The following SGPP2 variants were observed in gnomAD, a reference collection of about 807,000 sequenced individuals.
The protein encoded by SGPP2 is sphingosine 1-phosphate phosphohydrolase 2.
Under a neutral mutation model 33.9 loss-of-function variants are expected in SGPP2, and 30 were observed. The ratio of observed to expected loss-of-function variants is 0.89; its 90% CI spans 0.66 to 1.20. SGPP2 has a LOEUF of 1.20. Among genes scored for constraint, SGPP2 ranks in the 50% most tolerant of loss-of-function variants. The probability of loss-of-function intolerance (pLI) is 0.00; values close to 1 mark genes in which losing one functional copy is unlikely to be tolerated. For synonymous variants in SGPP2, 233 were observed against 225.0 expected, an observed-to-expected ratio of 1.04 and a Z score of -0.32; for missense variants, 458 against 532.1, an observed-to-expected ratio of 0.86 and a Z score of 1.37.
chr2:222,526,544 T>A (rs1440462789), intron 4 of SGPP2, among the ~76,000 whole-genome samples: 1 of 152,240 alleles, frequency 6.6e-6, no homozygotes, highest in Non-Finnish European at 1.5e-5. Flanking sequence ...CAATATGGAA[T>A]GAAGAACTCT....
intron 1 of SGPP2, among the ~76,000 whole-genome samples, chr2:222,462,454 A>C (rs932329032): frequency 6.6e-6 from 1 of 152,156 alleles, no homozygotes; most frequent in Non-Finnish European, 1.5e-5. Flanking sequence ...TGTAGGGGTC[A>C]GCTGTTGGAT....
chr2:222,439,807 G>A (rs1697297838), intron 1 of SGPP2, among the ~76,000 whole-genome samples: 1 of 152,176 alleles, frequency 6.6e-6, no homozygotes, highest in Admixed American at 6.5e-5. Context: ...TTGCTATAAA[G>A]GGGTAGTCTG....
At chr2:222,511,792 C>A (rs1043515736) in intron 2 of SGPP2, among the ~76,000 whole-genome samples, 2 of 152,100 alleles carry the variant, frequency 1.3e-5, no homozygotes, top group Non-Finnish European at 2.9e-5. Context: ...ATCCTCCCAC[C>A]ACAGCCTCCT....
chr2:222,449,541 C>T (rs1262527638), intron 1 of SGPP2, among the ~76,000 whole-genome samples: 1 of 149,612 alleles, frequency 6.7e-6, no homozygotes, highest in East Asian at 2.0e-4. Context: ...GCGATCTCAA[C>T]TCACTGCAAC....
chr2:222,543,870 A>G (rs1420544279), intron 4 of SGPP2, among the ~76,000 whole-genome samples: 1 of 152,198 alleles, frequency 6.6e-6, no homozygotes, highest in Non-Finnish European at 1.5e-5. Context: ...ATTTTCTCCA[A>G]TGCTGGACTT....
intron 2 of SGPP2, among the ~76,000 whole-genome samples, chr2:222,486,301 GC>G (rs1553537430): frequency 2.7e-4 from 41 of 152,164 alleles, no homozygotes; most frequent in Non-Finnish European, 1.2e-4. Context: ...ATCTCCTGGT[GC>G]CTGAAGCCCT....
chr2:222,501,005 G>C (rs1299217309), intron 2 of SGPP2, among the ~76,000 whole-genome samples: 3 of 152,146 alleles, frequency 2.0e-5, no homozygotes, highest in African/African-American at 7.2e-5. Flanking sequence ...ACCACCATTT[G>C]GTTCAATGTT....
chr2:222,473,924 C>CAAAAAA lies in SGPP2; in HGVS notation c.220-636_220-631dup, dbSNP rs59649395. 6.3e-5 allele frequency among the ~76,000 whole-genome samples: 8 copies of CAAAAAA among 127,458 alleles called. No individual in the cohort carries two copies. In the East Asian group the frequency reaches 1.9e-3, roughly 30 times the overall value. The allele number at this position is 127,458 out of a possible 152,430, so 83.6% of individuals were successfully genotyped here. The stretch of plus-strand genomic sequence containing the variant: ...GGGCAACAAGAGCAAAACTCTGTCT[C>CAAAAAA]AAAAAAAAAAAAAGAATATCAAAAT... On this transcript the variant is annotated intron_variant, in intron 1 of 4. Coordinates refer to ENST00000321276, the MANE Select transcript of SGPP2 (RefSeq NM_152386.4).
chr2:222,441,948 C>T (rs534307800), intron 1 of SGPP2, among the ~76,000 whole-genome samples: 28 of 152,214 alleles, frequency 1.8e-4, no homozygotes, highest in Admixed American at 2.0e-4. Flanking sequence ...CAAAATGGTA[C>T]CCCCATGTCT....
intron 1 of SGPP2, among the ~76,000 whole-genome samples, chr2:222,445,979 G>T (rs1391065582): frequency 6.6e-6 from 1 of 152,202 alleles, no homozygotes; most frequent in Non-Finnish European, 1.5e-5. Flanking sequence ...ACAGAGCAAA[G>T]AACTAGAAGT....
chr2:222,511,237 C>T (rs1185838582), intron 2 of SGPP2, among the ~76,000 whole-genome samples: 2 of 152,180 alleles, frequency 1.3e-5, no homozygotes, highest in East Asian at 3.8e-4. Flanking sequence ...TCATATTGAC[C>T]GCATTGGTTC....
rs1461270416 is a variant in SGPP2 at position 222,561,121 on chromosome 2, T to G, written c.*2223T>G. 6.7e-6 allele frequency among the ~76,000 whole-genome samples: 1 copy of G among 150,368 alleles called. No homozygotes were observed. The highest frequency in any genetic ancestry group is 1.5e-5 in the Non-Finnish European group (1 of 67,624). ...CTCTCTCAAAAAAAAAAAAAAAGAA[T>G]TTTTAGCAAAACATCCTGTTTTTAC... On this transcript the variant is annotated 3_prime_UTR_variant, in exon 5 of 5. Transcript: ENST00000321276.
At chr2:222,462,265 C>T (rs1308284908) in intron 1 of SGPP2, among the ~76,000 whole-genome samples, 1 of 152,068 alleles carries the variant, frequency 6.6e-6, no homozygotes, top group African/African-American at 2.4e-5. Flanking sequence ...AGAAAGAGGT[C>T]CATGGGAATG....
intron 2 of SGPP2, among the ~76,000 whole-genome samples, chr2:222,509,948 G>T (rs990541173): frequency 6.6e-6 from 1 of 152,132 alleles, no homozygotes; most frequent in Non-Finnish European, 1.5e-5. Flanking sequence ...CTATGGATTT[G>T]CCTCTTCTGA....
At chr2:222,446,474 G>A (rs554454290) in intron 1 of SGPP2, among the ~76,000 whole-genome samples, 2 of 152,260 alleles carry the variant, frequency 1.3e-5, no homozygotes, top group African/African-American at 4.8e-5. Flanking sequence ...GCTATCCGGG[G>A]GAATAGCTTT....
chr2:222,468,302 T>C (rs1327455858), intron 1 of SGPP2, among the ~76,000 whole-genome samples: 1 of 152,086 alleles, frequency 6.6e-6, no homozygotes, highest in Non-Finnish European at 1.5e-5. Context: ...TACAGTACTT[T>C]CAATGAGTAC....
chr2:222,470,065 G>A (rs149325783), intron 1 of SGPP2, among the ~76,000 whole-genome samples: 2,486 of 152,196 alleles, frequency 0.016, 69 homozygotes, highest in African/African-American at 0.057. Flanking sequence ...GTTGAACAAC[G>A]AGAACACATG....
At chr2:222,432,809 G>A (rs183311183) in intron 1 of SGPP2, among the ~76,000 whole-genome samples, 12 of 152,226 alleles carry the variant, frequency 7.9e-5, no homozygotes, top group Admixed American at 6.5e-4. Context: ...ATCACCTGAG[G>A]TCAGGAGTTC....
chr2:222,551,022 G>A (rs1175258920), intron 4 of SGPP2, among the ~76,000 whole-genome samples: 1 of 152,162 alleles, frequency 6.6e-6, no homozygotes, highest in East Asian at 1.9e-4. Context: ...ATGGGAAGGA[G>A]TTTTACATTT....
Sources: allele counts gnomAD v4.1 joint callset (sites outside exome capture counted in the v4.1 genomes callset), GRCh38; gene constraint gnomAD v4.1.1; transcripts MANE v1.5; gene names NCBI Gene and HGNC (gene_info 2026-07-23, HGNC 2026-07-21).